The following MAGI1 variants were observed in gnomAD, a reference collection of about 807,000 sequenced individuals.
MAGI1 encodes membrane-associated guanylate kinase, WW and PDZ domain-containing protein 1.
MAGI1 carries 58 observed loss-of-function variants against 139.9 expected under a neutral mutation model. The ratio of observed to expected loss-of-function variants is 0.41; its 90% CI spans 0.34 to 0.52. MAGI1 has a LOEUF of 0.52. Among genes scored for constraint, MAGI1 ranks in the 20% least tolerant of loss-of-function variants. The pLI is 0.12. For synonymous variants in MAGI1, 812 were observed against 737.9 expected (o/e 1.10, Z -1.63); for missense variants, 1,874 against 1,901.6 (o/e 0.99, Z 0.27).
chr3:65,950,067 C>CAAAAAAAAAAAAAAAAAAA (rs61696952), intron 1 of MAGI1, among the ~76,000 whole-genome samples: 9 of 76,716 alleles, frequency 1.2e-4, no homozygotes, highest in Non-Finnish European at 1.5e-4. Context: ...AACAAAAAAA[C>CAAAAAAAAAAAAAAAAAAA]AAAAAAAAAA....
chr3:65,974,571 C>T (rs2065174333), intron 1 of MAGI1, among the ~76,000 whole-genome samples: 1 of 152,156 alleles, frequency 6.6e-6, no homozygotes, highest in African/African-American at 2.4e-5. Context: ...GAATCCAAGA[C>T]TGGCCTAGCT....
chr3:65,553,399 T>C (rs1340464858), intron 2 of MAGI1, among the ~76,000 whole-genome samples: 1 of 152,094 alleles, frequency 6.6e-6, no homozygotes, highest in Non-Finnish European at 1.5e-5. Flanking sequence ...CAGAATGAAT[T>C]CAGTTTGGCT....
chr3:65,918,559 T>C (rs1369741045), intron 1 of MAGI1, among the ~76,000 whole-genome samples: 2 of 151,988 alleles, frequency 1.3e-5, no homozygotes, highest in Non-Finnish European at 2.9e-5. Flanking sequence ...TTTTGTATTT[T>C]TAGTAGCGAT....
chr3:65,405,847 C>G (rs929037671), intron 12 of MAGI1, among the ~76,000 whole-genome samples: 2 of 135,030 alleles, frequency 1.5e-5, no homozygotes, highest in East Asian at 4.5e-4. Flanking sequence ...CCCACCTCAG[C>G]CTCCCAACGT....
At chr3:65,901,004 A>G (rs1425034711) in intron 1 of MAGI1, among the ~76,000 whole-genome samples, 2 of 152,250 alleles carry the variant, frequency 1.3e-5, no homozygotes, top group African/African-American at 4.8e-5. Context: ...ATACCTACAG[A>G]AAAACCTGAT....
chr3:65,409,895 T>A (rs1424757400), intron 12 of MAGI1, among the ~76,000 whole-genome samples: 5 of 152,340 alleles, frequency 3.3e-5, no homozygotes, highest in Non-Finnish European at 5.9e-5. Context: ...GTGAAGAAGA[T>A]TAAGAACATA....
At chr3:65,766,892 T>C (rs1004545298) in intron 1 of MAGI1, among the ~76,000 whole-genome samples, 2 of 151,956 alleles carry the variant, frequency 1.3e-5, no homozygotes, top group Admixed American at 6.6e-5. Flanking sequence ...CCATCTCAAA[T>C]AGTAATAATA....
At chr3:65,716,707 T>TA (rs1208036629) in intron 1 of MAGI1, among the ~76,000 whole-genome samples, 1 of 152,158 alleles carries the variant, frequency 6.6e-6, no homozygotes, top group Non-Finnish European at 1.5e-5. Context: ...GGACCCAAGA[T>TA]AAAACGAAAG....
intron 1 of MAGI1, among the ~76,000 whole-genome samples, chr3:65,751,928 T>G (rs942693128): frequency 2.6e-5 from 4 of 152,184 alleles, no homozygotes; most frequent in African/African-American, 9.7e-5. Flanking sequence ...TCCTTAAAGA[T>G]ATCGTCTGAT....
chr3:65,520,830 C>T lies in MAGI1; in HGVS notation c.431-27199G>A, dbSNP rs117479983. Among the ~76,000 whole-genome samples the T allele has an allele frequency of 8.1e-4, 123 of 152,258 alleles. No individual in the cohort carries two copies. In the East Asian group the frequency reaches 0.02, roughly 25 times the overall value. ...GCCAGACTGCCTTTCAGAAGCCTTT[C>T]GTGACTTATAAACCATGGTAGTCAT... On this transcript the variant is annotated intron_variant, in intron 2 of 22. Coordinates refer to ENST00000402939, the MANE Select transcript of MAGI1 (RefSeq NM_001033057.2).
chr3:65,590,365 G>C (rs1023387328), intron 2 of MAGI1, among the ~76,000 whole-genome samples: 4 of 152,080 alleles, frequency 2.6e-5, no homozygotes, highest in African/African-American at 9.7e-5. Flanking sequence ...ACAACTATTT[G>C]TTTGATTAAT....
rs543693402 is a variant in MAGI1, at chr3:65,669,899, G to A, written c.314-47811C>T. Among the ~76,000 whole-genome samples, 21 of 152,258 alleles carry A rather than the reference G, an allele frequency of 1.4e-4. No individual in the cohort carries two copies. In the South Asian group the frequency reaches 4.4e-3, roughly 32 times the overall value. On this transcript the variant is annotated intron_variant, in intron 1 of 22. Transcript: ENST00000402939. ...TCCCTTTCAATTAGAGCACAAACAA[G>A]ATCAATTTTTTTCCTTGCAAATTGA...
intron 3 of MAGI1, among the ~76,000 whole-genome samples, chr3:65,491,023 C>G (rs192451991): frequency 6.6e-6 from 1 of 152,084 alleles, no homozygotes; most frequent in Non-Finnish European, 1.5e-5. Flanking sequence ...TTCACAAAGG[C>G]ACCGTTTTCT....
intron 1 of MAGI1, among the ~76,000 whole-genome samples, chr3:65,665,854 T>C (rs575814617): frequency 6.6e-6 from 1 of 152,304 alleles, no homozygotes; most frequent in Admixed American, 6.5e-5. Flanking sequence ...TGATACATCA[T>C]GCTAACAAAA....
intron 1 of MAGI1, among the ~76,000 whole-genome samples, chr3:65,912,422 T>TC (rs2061710013): frequency 6.6e-6 from 1 of 152,158 alleles, no homozygotes; most frequent in Non-Finnish European, 1.5e-5. Context: ...AATTCACACA[T>TC]GGATCATTAC....
intron 1 of MAGI1, among the ~76,000 whole-genome samples, chr3:65,732,397 G>T (rs2034281725): frequency 6.6e-6 from 1 of 152,158 alleles, no homozygotes; most frequent in African/African-American, 2.4e-5. Flanking sequence ...CATCCTTCCT[G>T]CCACACTTTC....
intron 1 of MAGI1, among the ~76,000 whole-genome samples, chr3:65,846,135 G>C (rs560695399): frequency 6.6e-6 from 1 of 152,294 alleles, no homozygotes; most frequent in South Asian, 2.1e-4. Flanking sequence ...CAGAGCAAAG[G>C]AACAGGGACC....
intron 1 of MAGI1, among the ~76,000 whole-genome samples, chr3:65,704,801 A>G (rs1402775121): frequency 6.6e-6 from 1 of 151,812 alleles, no homozygotes; most frequent in Non-Finnish European, 1.5e-5. Context: ...TGGTGAGCTA[A>G]ATCTCTCTCC....
At chr3:65,524,170 C>T (rs560261737) in intron 2 of MAGI1, among the ~76,000 whole-genome samples, 5 of 152,278 alleles carry the variant, frequency 3.3e-5, no homozygotes, top group South Asian at 4.1e-4. Flanking sequence ...TCTTTCACAA[C>T]GAACATTTTA....
Sources: allele counts gnomAD v4.1 joint callset (sites outside exome capture counted in the v4.1 genomes callset), GRCh38; gene constraint gnomAD v4.1.1; transcripts MANE v1.5; gene names NCBI Gene and HGNC (gene_info 2026-07-23, HGNC 2026-07-21).